The following FAM81A variants were observed in gnomAD, a reference collection of about 807,000 sequenced individuals.
FAM81A encodes the protein family with sequence similarity 81 member A, also known as protein FAM81A.
In FAM81A, 19 loss-of-function variants were observed where a neutral mutation model predicts 46.7. The observed-to-expected ratio is 0.41, with a 90% confidence interval of 0.28 to 0.60. The LOEUF (loss-of-function observed/expected upper bound fraction) is 0.60. Ranked by LOEUF, FAM81A falls within the 20% of genes least tolerant of loss-of-function variation. The pLI is 0.34. For missense variants in FAM81A, 377 were observed against 453.5 expected (o/e 0.83, Z 1.53); for synonymous variants, 183 against 152.9 (o/e 1.20, Z -1.45).
At chr15:59,510,965 T>C (rs532671660) in intron 6 of FAM81A, among the ~76,000 whole-genome samples, 116 of 151,924 alleles carry the variant, frequency 7.6e-4, no homozygotes, top group African/African-American at 2.3e-3. Context: ...CTGGCCAACA[T>C]GGTGAAATCC....
chr15:59,491,601 T>C (rs1371193402), intron 3 of FAM81A, among the ~76,000 whole-genome samples: 1 of 152,160 alleles, frequency 6.6e-6, no homozygotes, highest in Non-Finnish European at 1.5e-5. Flanking sequence ...AAACAGTAAA[T>C]ACTTGAGGTG....
chr15:59,473,798 A>G (rs1235606253), intron 3 of FAM81A, among the ~76,000 whole-genome samples: 1 of 152,178 alleles, frequency 6.6e-6, no homozygotes, highest in South Asian at 2.1e-4. Flanking sequence ...ATAATTTCCT[A>G]TTTGGTAGCT....
intron 3 of FAM81A, among the ~76,000 whole-genome samples, chr15:59,470,848 GTC>G (rs1330156542): frequency 1.3e-5 from 2 of 151,944 alleles, no homozygotes; most frequent in African/African-American, 2.4e-5. Context: ...TTGAGACAGG[GTC>G]TGTCTGTCAC....
At chr15:59,437,290 G>A (rs2081249817), upstream of FAM81A, among the ~76,000 whole-genome samples, 1 of 151,754 alleles carries the variant, frequency 6.6e-6, no homozygotes, top group Non-Finnish European at 1.5e-5. Context: ...AGACAGACAG[G>A]AGCCCCTGTG....
chr15:59,403,890 T>A (rs1227280101), intron 2 of FAM81A, among the ~76,000 whole-genome samples: 2 of 149,716 alleles, frequency 1.3e-5, no homozygotes, highest in Non-Finnish European at 3.0e-5. Flanking sequence ...TTCTTTTCTT[T>A]TTTTTTTTTT....
At chr15:59,484,452 C>T (rs182150092) in intron 3 of FAM81A, among the ~76,000 whole-genome samples, 6 of 152,300 alleles carry the variant, frequency 3.9e-5, no homozygotes, top group Middle Eastern at 3.4e-3. Context: ...CTGAAAGAGG[C>T]ACTGAAGAGG....
At chr15:59,432,868 G>A (rs184213686) in intron 2 of FAM81A, among the ~76,000 whole-genome samples, 1 of 151,826 alleles carries the variant, frequency 6.6e-6, no homozygotes, top group Non-Finnish European at 1.5e-5. Flanking sequence ...GGGCATGGTG[G>A]CTCACGCCTG....
chr15:59,507,188 T>G, intron 4 of FAM81A, 25 bp from the exon 5 acceptor site: 1 of 1,598,964 alleles, frequency 6.3e-7, no homozygotes, highest in Non-Finnish European at 8.5e-7. Flanking sequence ...TTAATAAGAA[T>G]CAGCTTTGTT....
At chr15:59,485,946 A>G (rs1323633158) in intron 3 of FAM81A, among the ~76,000 whole-genome samples, 1 of 152,204 alleles carries the variant, frequency 6.6e-6, no homozygotes, top group Admixed American at 6.5e-5. Context: ...TGGGAGGCCA[A>G]GGCGGGTGGA....
intron 7 of FAM81A, 112 bp downstream of exon 7, chr15:59,514,536 T>C: frequency 7.4e-7 from 1 of 1,344,972 alleles, no homozygotes; most frequent in Admixed American, 2.4e-5. Context: ...AATTGTTTCT[T>C]GCCTTAAAAT....
intron 2 of FAM81A, among the ~76,000 whole-genome samples, chr15:59,405,523 C>A (rs1344313745): frequency 1.3e-5 from 2 of 152,062 alleles, no homozygotes. Context: ...TGCCTGTAAT[C>A]CCAGCTACTT....
At chr15:59,403,377 C>T (rs868157191) in intron 2 of FAM81A, among the ~76,000 whole-genome samples, 5 of 152,112 alleles carry the variant, frequency 3.3e-5, no homozygotes, top group Non-Finnish European at 5.9e-5. Flanking sequence ...GAGAGACATC[C>T]GAGCTCCCCC....
intron 1 of FAM81A, among the ~76,000 whole-genome samples, chr15:59,456,112 G>A (rs1215862942): frequency 2.0e-5 from 3 of 152,200 alleles, no homozygotes; most frequent in African/African-American, 7.2e-5. Flanking sequence ...AAGAGCTGGA[G>A]AAATGCAAGA....
intron 2 of FAM81A, among the ~76,000 whole-genome samples, chr15:59,459,489 A>G (rs2081524095): frequency 6.6e-6 from 1 of 152,158 alleles, no homozygotes; most frequent in African/African-American, 2.4e-5. Flanking sequence ...CCAGATCTCT[A>G]AATCCCTGAC....
chr15:59,455,665 T>C (rs1200729325), intron 1 of FAM81A, among the ~76,000 whole-genome samples: 9 of 152,224 alleles, frequency 5.9e-5, no homozygotes, highest in Admixed American at 2.6e-4. Flanking sequence ...AGCTCATGCC[T>C]TATGAAATTT....
intron 2 of FAM81A, among the ~76,000 whole-genome samples, chr15:59,432,908 GGC>G (rs1321041300): frequency 1.9e-4 from 29 of 150,622 alleles, no homozygotes; most frequent in East Asian, 5.9e-4. Context: ...GGCTGAGGTG[GGC>G]AGATCACGAG....
At chr15:59,450,181 C>T (rs760628339) in intron 1 of FAM81A, among the ~76,000 whole-genome samples, 38 of 150,716 alleles carry the variant, frequency 2.5e-4, no homozygotes, top group South Asian at 4.2e-4. Context: ...TCTGCCGCCT[C>T]GGCCTCCCAA....
Position 59,460,153 on chromosome 15 carries a change from GA to G in FAM81A, c.242del (p.Glu81GlyfsTer6). ...CCGCTTGGCCAGGCTTTTCTTGGAG[GA>G]GCATATCAGAAACATAACTGCCATA... ...GDRLARLFLE[E>X]HIRNITAIVK... On this transcript the variant is annotated frameshift_variant, in exon 3 of 9. Transcript: ENST00000288228. LOFTEE classifies it high-confidence loss of function. The surrounding 1 kb of genome is among the most constrained non-coding windows in gnomAD (Gnocchi z 4.4). The G allele has an allele frequency of 1.2e-6, 2 of 1,614,036 alleles. No homozygotes were observed.
At chr15:59,428,172 T>G (rs2081203363) in intron 2 of FAM81A, among the ~76,000 whole-genome samples, 1 of 152,240 alleles carries the variant, frequency 6.6e-6, no homozygotes, top group Non-Finnish European at 1.5e-5. Context: ...GAGCACCTTT[T>G]CATACACCTG....
Sources: gnomAD v4.1 joint callset for allele counts (sites outside exome capture counted in the v4.1 genomes callset) on GRCh38, gnomAD v4.1.1 for gene constraint, Gnocchi (gnomAD v3.1) non-coding constraint, MANE v1.5 for transcripts, NCBI Gene and HGNC (gene_info 2026-07-23, HGNC 2026-07-21) for gene names.